Variants in MAPRE3 observed in about 807,000 individuals in gnomAD.
MAPRE3 encodes microtubule associated protein RP/EB family member 3, also known as microtubule-associated protein RP/EB family member 3.
A neutral mutation model predicts 30.5 loss-of-function variants in MAPRE3; 2 were observed. The observed-to-expected ratio is 0.07, with a 90% CI of 0.03 to 0.21. The LOEUF is 0.21. Among genes scored for constraint, MAPRE3 ranks in the 10% least tolerant of loss-of-function variants. The pLI is 1.00. For synonymous variants in MAPRE3, 110 were observed against 127.7 expected (o/e 0.86, Z 0.93); for missense variants, 204 against 351.8 (o/e 0.58, Z 3.36).
At chr2:27,020,729 C>T (rs1242963970) in intron 1 of MAPRE3, among the ~76,000 whole-genome samples, 2 of 152,232 alleles carry the variant, frequency 1.3e-5, no homozygotes, top group Non-Finnish European at 2.9e-5. Context: ...AAGGCAAATT[C>T]GGCCAAGGAG....
intron 1 of MAPRE3, among the ~76,000 whole-genome samples, chr2:27,007,630 A>G (rs1233450505): frequency 6.6e-6 from 1 of 152,218 alleles, no homozygotes; most frequent in Non-Finnish European, 1.5e-5. Context: ...CAGTAGAATA[A>G]CAGATATTTA....
chr2:26,998,104 A>G (rs1243295547), intron 1 of MAPRE3, among the ~76,000 whole-genome samples: 1 of 152,240 alleles, frequency 6.6e-6, no homozygotes, highest in African/African-American at 2.4e-5. Context: ...GTGGGTCAAC[A>G]TCTGTTTTTC....
Position 27,026,287 on chromosome 2 carries a change from T to TG in MAPRE3, c.785_786insG (p.Phe262LeufsTer5). 6.2e-7 allele frequency: 1 copy of TG among 1,613,746 alleles called. No individual in the cohort carries two copies. The highest frequency in any genetic ancestry group is 8.5e-7 in the Non-Finnish European group (1 of 1,179,816). ...CTCTCTCCCACCCTCCAGGAAGGAT[T>TG]CGCACCCCCTGAGGACGATGAGATT... On this transcript the variant is annotated frameshift_variant, in exon 7 of 7. Coordinates refer to ENST00000233121, the MANE Select transcript of MAPRE3 (RefSeq NM_012326.4). LOFTEE classifies it high-confidence loss of function.
chr2:27,025,500 C>A, intron 4 of MAPRE3, 83 bp from the exon 5 acceptor site: 1 of 1,402,072 alleles, frequency 7.1e-7, no homozygotes, highest in Non-Finnish European at 9.7e-7. Flanking sequence ...TGGGCCTGCC[C>A]CCGCAGTCCT....
At chr2:26,971,014 C>G (rs1001106468) in intron 1 of MAPRE3, among the ~76,000 whole-genome samples, 1 of 152,074 alleles carries the variant, frequency 6.6e-6, no homozygotes, top group East Asian at 1.9e-4. Context: ...CAGCCACTCC[C>G]CCTCCCCTTC....
chr2:27,016,921 A>C (rs1667001986), intron 1 of MAPRE3, among the ~76,000 whole-genome samples: 1 of 152,084 alleles, frequency 6.6e-6, no homozygotes. Flanking sequence ...CCAATGCTCC[A>C]GGCCCCTCAG....
intron 1 of MAPRE3, among the ~76,000 whole-genome samples, chr2:26,994,021 G>A (rs146693976): frequency 5.9e-5 from 9 of 152,270 alleles, no homozygotes; most frequent in African/African-American, 1.9e-4. Context: ...CTTTGTGTGT[G>A]GGAGCTGTCC....
intron 1 of MAPRE3, among the ~76,000 whole-genome samples, chr2:26,982,494 G>A (rs1276305836): frequency 1.3e-5 from 2 of 152,204 alleles, no homozygotes; most frequent in Non-Finnish European, 2.9e-5. Flanking sequence ...GCAGAAGTAT[G>A]GCTCCCTGCC....
rs1052494449 is a variant in MAPRE3, at chr2:27,016,674, G to A, written c.-7-5538G>A. On this transcript the variant is annotated intron_variant, in intron 1 of 6. Coordinates refer to ENST00000233121, the MANE Select transcript of MAPRE3 (RefSeq NM_012326.4). The stretch of plus-strand genomic sequence containing the variant: ...GCTGGGATTACAGGCGTGAGCCACC[G>A]CGCCTGGCAGGTTATGTCTTTGCTG... 2.0e-5 allele frequency among the ~76,000 whole-genome samples: 3 copies of A among 152,114 alleles called. No individual in the cohort carries two copies. In the East Asian group the frequency reaches 5.8e-4, roughly 29 times the overall value.
chr2:27,018,722 G>T (rs951798199), intron 1 of MAPRE3, among the ~76,000 whole-genome samples: 2 of 151,494 alleles, frequency 1.3e-5, no homozygotes, highest in African/African-American at 4.9e-5. Flanking sequence ...GTTACTTTAG[G>T]TGCATCCTGG....
At chr2:27,021,371 G>A (rs908068027) in intron 1 of MAPRE3, among the ~76,000 whole-genome samples, 10 of 152,174 alleles carry the variant, frequency 6.6e-5, no homozygotes, top group African/African-American at 2.4e-4. Context: ...GACCCCGCAG[G>A]TTTCTAAGGT....
At chr2:26,998,198 T>G (rs564623400) in intron 1 of MAPRE3, among the ~76,000 whole-genome samples, 8 of 152,354 alleles carry the variant, frequency 5.3e-5, no homozygotes, top group African/African-American at 1.9e-4. Flanking sequence ...CTCTGGGCCC[T>G]TAAGTCATTA....
At chr2:27,004,143 G>A (rs1326746616) in intron 1 of MAPRE3, among the ~76,000 whole-genome samples, 6 of 152,160 alleles carry the variant, frequency 3.9e-5, no homozygotes, top group African/African-American at 9.7e-5. Context: ...AAGAGAGGCC[G>A]CCTTTGCCCA....
Position 27,026,212 on chromosome 2 carries a change from T to G in MAPRE3, c.778-68T>G, listed in dbSNP as rs145340654. Reference sequence around the variant, plus strand: ...TCCTGACCCCTTGCTCTTCAGCTACTTACAGAACCTGAGAAGCCCTGCCTG... The same window carrying G: ...TCCTGACCCCTTGCTCTTCAGCTACGTACAGAACCTGAGAAGCCCTGCCTG... On this transcript the variant is annotated intron_variant, in intron 6 of 6. Coordinates refer to ENST00000233121, the MANE Select transcript of MAPRE3 (RefSeq NM_012326.4). 1.2e-4 allele frequency: 183 copies of G among 1,493,390 alleles called. No homozygotes were observed. In the East Asian group the frequency reaches 3.9e-3, roughly 32 times the overall value. The allele number at this position is 1,493,390 out of a possible 1,614,324, so 92.5% of individuals were successfully genotyped here. A position where few individuals can be genotyped will look rare whatever the true frequency, so the allele number is the denominator to read the frequency against.
intron 1 of MAPRE3, among the ~76,000 whole-genome samples, chr2:27,011,450 AAAGAC>A (rs1358200435): frequency 6.6e-6 from 1 of 152,196 alleles, no homozygotes; most frequent in African/African-American, 2.4e-5. Context: ...GCTCCTTAAT[AAAGAC>A]AAGACCCATG....
At chr2:26,988,745 A>G (rs1666268130) in intron 1 of MAPRE3, among the ~76,000 whole-genome samples, 1 of 152,196 alleles carries the variant, frequency 6.6e-6, no homozygotes, top group Non-Finnish European at 1.5e-5. Flanking sequence ...CCAGCCCACA[A>G]CTGTCCCTCT....
At chr2:26,989,562 G>A (rs934739255) in intron 1 of MAPRE3, among the ~76,000 whole-genome samples, 22 of 152,152 alleles carry the variant, frequency 1.4e-4, no homozygotes, top group African/African-American at 5.3e-4. Flanking sequence ...CAATCATCAG[G>A]TCAGAGTTGG....
chr2:27,015,911 A>G lies in MAPRE3; in HGVS notation c.-7-6301A>G, dbSNP rs1427806513. Among the ~76,000 whole-genome samples the G allele has an allele frequency of 1.3e-5, 2 of 152,200 alleles. No individual in the cohort carries two copies. Among genetic ancestry groups the G allele is most frequent in the African/African-American group, 4.8e-5 (2 of 41,448 alleles). On this transcript the variant is annotated intron_variant, in intron 1 of 6. Transcript: ENST00000233121. The surrounding 1 kb of genome is among the most constrained non-coding windows in gnomAD (Gnocchi z 4.0). ...TCTTGATGACCATTTTTAAGGCCTC[A>G]GTCTGCAGAATGACCAGCAGCTTCC...
intron 1 of MAPRE3, among the ~76,000 whole-genome samples, chr2:26,971,514 A>G (rs1025180748): frequency 7.2e-5 from 11 of 152,120 alleles, no homozygotes; most frequent in Non-Finnish European, 1.2e-4. Flanking sequence ...AGCGGGGAGT[A>G]GAAGTAGTGG....
Sources: gnomAD v4.1 joint callset for allele counts (sites outside exome capture counted in the v4.1 genomes callset) on GRCh38, gnomAD v4.1.1 for gene constraint, Gnocchi (gnomAD v3.1) non-coding constraint, MANE v1.5 for transcripts, NCBI Gene and HGNC (gene_info 2026-07-23, HGNC 2026-07-21) for gene names.